SMARCC1: variants seen among roughly 807,000 people sequenced by gnomAD.
The protein encoded by SMARCC1 is SWI/SNF related BAF chromatin remodeling complex subunit C1.
Under a neutral mutation model 147.4 loss-of-function variants are expected in SMARCC1, and 43 were observed. That is an observed-to-expected ratio of 0.29 (90% confidence interval 0.23 to 0.38). SMARCC1 has a LOEUF of 0.38. Among genes scored for constraint, SMARCC1 ranks in the 10% least tolerant of loss-of-function variants. The pLI is 1.00. For missense variants in SMARCC1, 1,119 were observed against 1,381.1 expected, an observed-to-expected ratio of 0.81 and a Z score of 3.01; for synonymous variants, 495 against 484.4, an observed-to-expected ratio of 1.02 and a Z score of -0.29.
intron 25 of SMARCC1, 21 bp downstream of exon 25, chr3:47,622,186 T>TA (rs2032744541): frequency 6.3e-7 from 1 of 1,592,480 alleles, no homozygotes; most frequent in Admixed American, 1.9e-5. Context: ...AAAAAGCCAC[T>TA]AAAAAATTCC....
At chr3:47,713,553 G>A (rs2034117160) in intron 8 of SMARCC1, among the ~76,000 whole-genome samples, 1 of 151,732 alleles carries the variant, frequency 6.6e-6, no homozygotes, top group Non-Finnish European at 1.5e-5. Context: ...AGCCTTCCAA[G>A]TATGTAGCTA....
chr3:47,684,147 G>C (rs1172195582), intron 14 of SMARCC1, among the ~76,000 whole-genome samples: 2 of 151,108 alleles, frequency 1.3e-5, no homozygotes, highest in African/African-American at 4.8e-5. Context: ...GGCTGAGGCA[G>C]GAGAATGGCG....
intron 12 of SMARCC1, among the ~76,000 whole-genome samples, chr3:47,689,762 T>C (rs1047621589): frequency 4.6e-5 from 7 of 152,146 alleles, no homozygotes; most frequent in Non-Finnish European, 8.8e-5. Context: ...TAACAACATT[T>C]TGGGTTTCAG....
At chr3:47,758,786 C>T (rs1162208835) in intron 2 of SMARCC1, among the ~76,000 whole-genome samples, 1 of 151,888 alleles carries the variant, frequency 6.6e-6, no homozygotes, top group African/African-American at 2.4e-5. Context: ...TGTAATCCTA[C>T]GTTTTGGGAG....
chr3:47,663,736 C>T, intron 19 of SMARCC1: 1 of 1,511,654 alleles, frequency 6.6e-7, no homozygotes, highest in Non-Finnish European at 9.2e-7. Context: ...AGTTCCTTCA[C>T]AAGACCCACG....
chr3:47,614,093 C>T (rs1310083858), intron 25 of SMARCC1, among the ~76,000 whole-genome samples: 1 of 152,180 alleles, frequency 6.6e-6, no homozygotes, highest in African/African-American at 2.4e-5. Flanking sequence ...ATAATCACAC[C>T]TTCCTTTTCA....
At chr3:47,726,322 T>C (rs1050095174) in intron 6 of SMARCC1, among the ~76,000 whole-genome samples, 1 of 150,342 alleles carries the variant, frequency 6.7e-6, no homozygotes, top group African/African-American at 2.5e-5. Context: ...CCAATATGTA[T>C]GGATATAGAA....
intron 26 of SMARCC1, among the ~76,000 whole-genome samples, chr3:47,607,024 A>C (rs1479706696): frequency 6.6e-6 from 1 of 152,072 alleles, no homozygotes; most frequent in Non-Finnish European, 1.5e-5. Flanking sequence ...CTAGGAATTT[A>C]ATTTTTAAAT....
chr3:47,772,514 C>A (rs1023237109), intron 2 of SMARCC1, among the ~76,000 whole-genome samples: 12 of 152,098 alleles, frequency 7.9e-5, no homozygotes. Flanking sequence ...GGCATAAGAG[C>A]TGCATCAGGA....
intron 24 of SMARCC1, among the ~76,000 whole-genome samples, chr3:47,630,876 A>G (rs1254950525): frequency 6.6e-6 from 1 of 152,142 alleles, no homozygotes; most frequent in Non-Finnish European, 1.5e-5. Flanking sequence ...CAGCCTGGGC[A>G]ATATAGGGAG....
chr3:47,689,318 T>C, intron 13 of SMARCC1, 69 bp downstream of exon 13: 1 of 1,279,176 alleles, frequency 7.8e-7, no homozygotes, highest in Non-Finnish European at 1.1e-6. Flanking sequence ...TCCAATTCAG[T>C]GCTTCTACTG....
rs1367666916 is a variant in SMARCC1 at position 47,635,277 on chromosome 3, C to T, written c.2559G>A (p.Gly853=). ...DTCKERESDT[G]KKKVEHEISE... is the part of the protein sequence containing the mutation. The stretch of plus-strand genomic sequence containing the variant: ...AAATTTCATGTTCTACTTTCTTCTT[C>T]CCAGTATCACTTTCTCTTTCTTTAC... Residue 853 remains glycine, a synonymous_variant, in exon 24 of 28, where the codon GGG becomes GGA. Transcript: ENST00000254480. 1 of 1,612,872 alleles carries T rather than the reference C, an allele frequency of 6.2e-7. No homozygotes were observed. The highest frequency in any genetic ancestry group is 1.1e-5 in the South Asian group (1 of 91,048).
Position 47,615,240 on chromosome 3 carries a change from T to C in SMARCC1, c.2782-4913A>G, listed in dbSNP as rs187584789. 3.3e-4 allele frequency among the ~76,000 whole-genome samples: 50 copies of C among 152,374 alleles called. No individual in the cohort carries two copies. The East Asian group carries it at 9.2e-3, about 28-fold the overall frequency. On this transcript the variant is annotated intron_variant, in intron 25 of 27. Coordinates refer to ENST00000254480, the MANE Select transcript of SMARCC1 (RefSeq NM_003074.4). ...TTAATTCACTCATGGTTTCTAATTATTTGAAATCCACCAAGGCAGAGATCT... is the reference window on the plus strand; with the variant it reads ...TTAATTCACTCATGGTTTCTAATTACTTGAAATCCACCAAGGCAGAGATCT...
intron 2 of SMARCC1, among the ~76,000 whole-genome samples, chr3:47,769,797 G>A (rs1392172093): frequency 6.6e-6 from 1 of 152,082 alleles, no homozygotes; most frequent in Non-Finnish European, 1.5e-5. Context: ...TGCAATCAGT[G>A]GAGAAAAGGA....
At chr3:47,612,658 T>C (rs1419005468) in intron 25 of SMARCC1, among the ~76,000 whole-genome samples, 6 of 152,234 alleles carry the variant, frequency 3.9e-5, no homozygotes, top group Non-Finnish European at 8.8e-5. Context: ...TTTCCTTGCC[T>C]ACAACATGAG....
intron 1 of SMARCC1, among the ~76,000 whole-genome samples, chr3:47,775,496 C>A (rs533819271): frequency 2.0e-5 from 3 of 147,574 alleles, no homozygotes. Flanking sequence ...AAGGGCCAGG[C>A]GCGGTGGTGG....
chr3:47,714,303 C>T, intron 8 of SMARCC1, 112 bp downstream of exon 8: 2 of 664,418 alleles, frequency 3.0e-6, no homozygotes, highest in South Asian at 3.5e-5. Flanking sequence ...GCGGAGGTTG[C>T]AGTAAGCCAA....
chr3:47,688,896 A>G lies in SMARCC1; in HGVS notation c.1263+491T>C, dbSNP rs1045943553. Among the ~76,000 whole-genome samples, 3 of 152,322 alleles carry G rather than the reference A, an allele frequency of 2.0e-5. No individual in the cohort carries two copies. The South Asian group carries it at 6.2e-4, about 32-fold the overall frequency. The stretch of plus-strand genomic sequence containing the variant: ...GGGAGGACAAAAATTTCCTCTAAGT[A>G]AAATCTTGGGGTCCAAGAAAGTCAA... On this transcript the variant is annotated intron_variant, in intron 13 of 27. Coordinates refer to ENST00000254480, the MANE Select transcript of SMARCC1 (RefSeq NM_003074.4).
chr3:47,761,114 C>G (rs900133679), intron 2 of SMARCC1, among the ~76,000 whole-genome samples: 2 of 149,106 alleles, frequency 1.3e-5, no homozygotes, highest in Non-Finnish European at 3.0e-5. Context: ...GACTGGGTAA[C>G]AGAGCAAGAC....
Sources: gnomAD v4.1 joint callset for allele counts (sites outside exome capture counted in the v4.1 genomes callset) on GRCh38, gnomAD v4.1.1 for gene constraint, MANE v1.5 for transcripts, NCBI Gene and HGNC (gene_info 2026-07-23, HGNC 2026-07-21) for gene names.